The following SLC26A4 variants were observed in gnomAD, a reference collection of about 807,000 sequenced individuals.
The protein encoded by SLC26A4 is solute carrier family 26 member 4, also known as pendrin.
In SLC26A4, 93 loss-of-function variants were observed where a neutral mutation model predicts 90.4. The ratio of observed to expected loss-of-function variants is 1.03; its 90% CI spans 0.87 to 1.22. The LOEUF (loss-of-function observed/expected upper bound fraction) is 1.22. Among genes scored for constraint, SLC26A4 ranks in the 50% most tolerant of loss-of-function variants. The pLI is 0.00. For missense variants in SLC26A4, 1,127 were observed against 946.2 expected (o/e 1.19, Z -2.51); for synonymous variants, 393 against 354.6 (o/e 1.11, Z -1.22).
rs371249912 is a variant in SLC26A4, at chr7:107,689,076, C to T, written c.1025C>T (p.Pro342Leu). The T allele has an allele frequency of 3.1e-6, 5 of 1,613,914 alleles. No individual in the cohort carries two copies. In the South Asian group the frequency reaches 5.5e-5, roughly 18 times the overall value. The change falls in exon 9 of 21, where the codon CCT (proline) becomes CTT (leucine). Residue 342 changes from proline to leucine, a missense_variant. Coordinates refer to ENST00000644269, the MANE Select transcript of SLC26A4 (RefSeq NM_000441.2). ...AGGTTTTTGCCTCCTGAACTTCCAC[C>T]TGTGAGCTTGTTCTCGGAGATGCTG... ...PRGFLPPELP[P>L]VSLFSEMLAA...
intron 3 of SLC26A4, among the ~76,000 whole-genome samples, chr7:107,667,603 T>A (rs1046311833): frequency 7.4e-5 from 11 of 148,146 alleles, no homozygotes; most frequent in African/African-American, 2.5e-4. Flanking sequence ...GAAGACAGAG[T>A]GAAGGGAGAA....
chr7:107,714,796 T>G (rs1215973972), intron 20 of SLC26A4, among the ~76,000 whole-genome samples: 1 of 152,096 alleles, frequency 6.6e-6, no homozygotes, highest in Non-Finnish European at 1.5e-5. Context: ...TATTAGTATC[T>G]TCATGTAAAG....
intron 14 of SLC26A4, among the ~76,000 whole-genome samples, chr7:107,698,978 A>AAATAAT (rs142163209): frequency 6.6e-6 from 1 of 151,942 alleles, no homozygotes; most frequent in Non-Finnish European, 1.5e-5. Flanking sequence ...CAAATTTAGC[A>AAATAAT]AATAATAATA....
chr7:107,679,201 G>A (rs1179530620), intron 6 of SLC26A4, among the ~76,000 whole-genome samples: 1 of 152,120 alleles, frequency 6.6e-6, no homozygotes, highest in Non-Finnish European at 1.5e-5. Flanking sequence ...AGTCCACTTA[G>A]GGGTTGATTT....
chr7:107,697,145 A>G (rs1300532872), intron 13 of SLC26A4, among the ~76,000 whole-genome samples: 1 of 152,212 alleles, frequency 6.6e-6, no homozygotes, highest in East Asian at 1.9e-4. Flanking sequence ...GCTCCTTAGA[A>G]GATGCTGTCT....
At chr7:107,705,716 G>C (rs1448088765) in intron 18 of SLC26A4, among the ~76,000 whole-genome samples, 4 of 152,316 alleles carry the variant, frequency 2.6e-5, no homozygotes, top group Middle Eastern at 3.4e-3. Context: ...GCACTATCCT[G>C]CCAAGTGAAA....
In SLC26A4 at chr7:107,683,280, T is replaced by G. The variant is rs1295865916; in HGVS notation, c.844T>G (p.Cys282Gly). 3 of 1,613,446 alleles carry G rather than the reference T, an allele frequency of 1.9e-6. No individual in the cohort carries two copies. In the East Asian group the frequency reaches 6.7e-5, roughly 36 times the overall value. Reference protein sequence around the residue: ...FTAGLLTIVVCMAVKELNDRF... With the variant: ...FTAGLLTIVVGMAVKELNDRF... ...TGCTGGATTGCTCACCATTGTCGTC[T>G]GTATGGCAGTTAAGGAATTAAATGA... Residue 282 changes from cysteine (C) to glycine (G), a missense_variant, in exon 7 of 21, where the codon TGT (cysteine) becomes GGT (glycine). Coordinates refer to ENST00000644269, the MANE Select transcript of SLC26A4 (RefSeq NM_000441.2).
chr7:107,680,724 T>C (rs934654228), intron 6 of SLC26A4, among the ~76,000 whole-genome samples: 2 of 152,088 alleles, frequency 1.3e-5, no homozygotes, highest in African/African-American at 4.8e-5. Context: ...CCACCAGACA[T>C]ACTTTTTATT....
intron 17 of SLC26A4, among the ~76,000 whole-genome samples, chr7:107,703,349 G>C (rs927789018): frequency 2.0e-5 from 3 of 152,140 alleles, no homozygotes; most frequent in South Asian, 4.1e-4. Flanking sequence ...CTTAGCTAAG[G>C]CTTCTTTGCT....
intron 17 of SLC26A4, among the ~76,000 whole-genome samples, chr7:107,702,569 AGTC>A (rs1269642880): frequency 2.0e-5 from 3 of 151,834 alleles, no homozygotes; most frequent in Non-Finnish European, 4.4e-5. Context: ...GCACACCTGT[AGTC>A]CCAGCTCCTA....
chr7:107,693,273 G>A (rs1791629340), intron 10 of SLC26A4: 19 of 984,886 alleles, frequency 1.9e-5, no homozygotes, highest in Non-Finnish European at 2.0e-5. Context: ...GGGATAGGAA[G>A]AGCATAGAAA....
intron 14 of SLC26A4, among the ~76,000 whole-genome samples, chr7:107,699,720 G>T (rs1791832999): frequency 6.6e-6 from 1 of 152,100 alleles, no homozygotes; most frequent in African/African-American, 2.4e-5. Context: ...CTTGAGGTCA[G>T]GAGTTTGAGA....
intron 10 of SLC26A4, chr7:107,692,895 C>A (rs1791614787): frequency 6.6e-6 from 1 of 152,074 alleles, no homozygotes; most frequent in African/African-American, 2.4e-5. Flanking sequence ...CCAAAATGAG[C>A]CTTGGCCTCC....
At chr7:107,684,572 T>C (rs1357578477) in intron 8 of SLC26A4, among the ~76,000 whole-genome samples, 1 of 152,216 alleles carries the variant, frequency 6.6e-6, no homozygotes, top group Admixed American at 6.5e-5. Context: ...GGGACTTAAT[T>C]TGCATGCTAT....
rs1044322899 is a variant in SLC26A4 at position 107,700,203 on chromosome 7, T to C, written c.1707+28T>C. On this transcript the variant is annotated intron_variant, in intron 15 of 20. Transcript: ENST00000644269. ...AAGTATTTTATCCCTAGAAATTTGTTTTCTAACCTCTTTTGAGACTTCATT... is the reference window on the plus strand; with the variant it reads ...AAGTATTTTATCCCTAGAAATTTGTCTTCTAACCTCTTTTGAGACTTCATT... The C allele has an allele frequency of 6.9e-6, 8 of 1,167,728 alleles. No individual in the cohort carries two copies. In the Admixed American group the frequency reaches 1.4e-4, roughly 20 times the overall value. 72.3% of individuals were successfully genotyped at this position (1,167,728 alleles called of 1,614,324 possible). A position where few individuals can be genotyped will look rare whatever the true frequency, so the allele number is the denominator to read the frequency against.
Position 107,661,552 on chromosome 7 carries a change from A to G in SLC26A4, c.-3-87A>G. On this transcript the variant is annotated intron_variant, in intron 1 of 20. Transcript: ENST00000644269. This position sits in a 1 kb window ranked among gnomAD's most constrained non-coding sequence, Gnocchi z 5.1. ...GGGGCCTGGCTGCAGCTAACAGGTG[A>G]TCCCGTTCTTTCTGTTCCTCGCTCT... The G allele has an allele frequency of 7.2e-7, 1 of 1,393,576 alleles. No homozygotes were observed. The highest frequency in any genetic ancestry group is 1.4e-5 in the African/African-American group (1 of 70,358). The allele number at this position is 1,393,576 out of a possible 1,614,324, so 86.3% of individuals were successfully genotyped here. A position where few individuals can be genotyped will look rare whatever the true frequency, so the allele number is the denominator to read the frequency against.
At chr7:107,689,325 GT>G in intron 9 of SLC26A4, 125 bp downstream of exon 9, 1 of 985,542 alleles carries the variant, frequency 1.0e-6, no homozygotes, top group Non-Finnish European at 1.6e-6. Context: ...TATTGGGTTG[GT>G]TTTCCTCTTG....
At chr7:107,666,199 G>C (rs1790707514) in intron 3 of SLC26A4, among the ~76,000 whole-genome samples, 1 of 152,070 alleles carries the variant, frequency 6.6e-6, no homozygotes, top group South Asian at 2.1e-4. Flanking sequence ...ACTGCAATAG[G>C]GATTAATTTG....
intron 6 of SLC26A4, among the ~76,000 whole-genome samples, chr7:107,679,976 T>A (rs544290855): frequency 3.9e-3 from 530 of 137,470 alleles, no homozygotes; most frequent in Non-Finnish European, 5.8e-3. Flanking sequence ...TTATATAATA[T>A]AATCTTATTA....
Sources: gnomAD v4.1 joint callset for allele counts (sites outside exome capture counted in the v4.1 genomes callset) on GRCh38, gnomAD v4.1.1 for gene constraint, Gnocchi (gnomAD v3.1) non-coding constraint, MANE v1.5 for transcripts, NCBI Gene and HGNC (gene_info 2026-07-23, HGNC 2026-07-21) for gene names.